The following ZNF276 variants were observed in gnomAD, a reference collection of about 807,000 sequenced individuals.
ZNF276 encodes the protein zinc finger protein 276, also known as centromere protein Z.
In ZNF276, 59 loss-of-function variants were observed where a neutral mutation model predicts 63.9. That is an observed-to-expected ratio of 0.92 (90% CI 0.75 to 1.15). The LOEUF (loss-of-function observed/expected upper bound fraction) is 1.15. Ranked by LOEUF, ZNF276 falls within the 50% of genes most tolerant of loss-of-function variation. ZNF276 has a pLI of 0.00. For synonymous variants in ZNF276, 496 were observed against 348.4 expected (o/e 1.42, Z -4.72); for missense variants, 1,084 against 843.8 (o/e 1.28, Z -3.53).
At chr16:89,734,099 C>G (rs1440554632) in intron 9 of ZNF276, 61 bp downstream of exon 9, 11 of 1,511,114 alleles carry the variant, frequency 7.3e-6, no homozygotes, top group Non-Finnish European at 1.0e-5. Context: ...ACCTGCTTTC[C>G]AGTCTTCCTC....
Position 89,721,625 on chromosome 16 carries a change from G to C in ZNF276, c.-16G>C. 1 of 1,473,204 alleles carries C rather than the reference G, an allele frequency of 6.8e-7. No homozygotes were observed. Among genetic ancestry groups the C allele is most frequent in the East Asian group, 3.0e-5 (1 of 33,130 alleles). The allele number at this position is 1,473,204 out of a possible 1,614,324, so 91.3% of individuals were successfully genotyped here. A position where few individuals can be genotyped will look rare whatever the true frequency, so the allele number is the denominator to read the frequency against. ...CGGGCAGCACCCGCGGGATTCTGCT[G>C]GCGTCCTCCGCTGCCATGAAGCGGG... On this transcript the variant is annotated 5_prime_UTR_variant, in exon 1 of 11. Transcript: ENST00000443381.
chr16:89,733,094 C>CGCCCTT, intron 6 of ZNF276: 1 of 588,092 alleles, frequency 1.7e-6, no homozygotes. Flanking sequence ...CTGTGTCCTG[C>CGCCCTT]GCCCTTGCCC....
Position 89,722,579 on chromosome 16 carries a change from A to G in ZNF276, c.254A>G (p.Lys85Arg). 2 of 1,612,380 alleles carry G rather than the reference A, an allele frequency of 1.2e-6. No individual in the cohort carries two copies. The highest frequency in any genetic ancestry group is 1.7e-6 in the Non-Finnish European group (2 of 1,179,984). ...AMGHCRLCHG[K>R]FSSRSLRSIS... ...GGTCACTGTCGCCTCTGCCACGGGA[A>G]GTTTTCCTCGAGAAGCCTGCGCAGC... The change falls in exon 2 of 11, where the codon AAG becomes AGG. Residue 85 changes from lysine to arginine, a missense_variant. Physicochemically the swap from Lys to Arg is conservative, Grantham distance 26. Coordinates refer to ENST00000443381, the MANE Select transcript of ZNF276 (RefSeq NM_001113525.2).
In ZNF276 at chr16:89,722,792, G is replaced by A. The variant is rs745722399; in HGVS notation, c.467G>A (p.Arg156Lys). Reference protein sequence around the residue: ...CHSLLKSFLQRVNASPAGRRK... With the variant: ...CHSLLKSFLQKVNASPAGRRK... Reference sequence around the variant, plus strand: ...AGCCTTCTCAAGTCCTTCCTGCAGAGGGTCAACGCCTCCCCGGCTGGTCGC... The same window carrying A: ...AGCCTTCTCAAGTCCTTCCTGCAGAAGGTCAACGCCTCCCCGGCTGGTCGC... The change falls in exon 2 of 11, where the codon AGG (arginine) becomes AAG (lysine). Residue 156 changes from arginine to lysine, a missense_variant. Physicochemically the swap from Arg to Lys is conservative, Grantham distance 26 (BLOSUM62 2). Coordinates refer to ENST00000443381, the MANE Select transcript of ZNF276 (RefSeq NM_001113525.2). 3 of 1,607,502 alleles carry A rather than the reference G, an allele frequency of 1.9e-6. No homozygotes were observed. The highest frequency in any genetic ancestry group is 2.2e-5 in the East Asian group (1 of 44,890).
Position 89,738,394 on chromosome 16 carries a change from C to A in ZNF276, c.*148C>A. The A allele has an allele frequency of 7.2e-7, 1 of 1,383,814 alleles. No individual in the cohort carries two copies. The highest frequency in any genetic ancestry group is 2.5e-5 in the East Asian group (1 of 40,012). The allele number at this position is 1,383,814 out of a possible 1,614,324, so 85.7% of individuals were successfully genotyped here. ...CGGGCTTGGTGTCCGGCTCAAGTAGCCTTCCTCTGCTCTGGGACCAGTGGT... is the reference window on the plus strand; with the variant it reads ...CGGGCTTGGTGTCCGGCTCAAGTAGACTTCCTCTGCTCTGGGACCAGTGGT... On this transcript the variant is annotated 3_prime_UTR_variant, in exon 11 of 11. Transcript: ENST00000443381.
rs1219566699 is a variant in ZNF276, at chr16:89,738,781, G to A, written c.*535G>A. 4 of 1,612,684 alleles carry A rather than the reference G, an allele frequency of 2.5e-6. No individual in the cohort carries two copies. Among genetic ancestry groups the A allele is most frequent in the South Asian group, 1.1e-5 (1 of 90,954 alleles). On this transcript the variant is annotated 3_prime_UTR_variant, in exon 11 of 11. Transcript: ENST00000443381. ...AGACCACAGGGGAGGGGCTCTGGCA[G>A]AAATAGTCGAGTTGTATTGCCAGCC... is the stretch of plus-strand genomic sequence containing the variant.
chr16:89,734,147 G>T (rs1839588786), intron 9 of ZNF276, 109 bp downstream of exon 9: 3 of 982,594 alleles, frequency 3.1e-6, no homozygotes, highest in Non-Finnish European at 4.6e-6. Context: ...GGTGCGTGAA[G>T]GTGGCTCATG....
rs2151713151 is a variant in ZNF276 at position 89,739,582 on chromosome 16, C to T, written c.*1336C>T. ...CAACACCAAGAAGTGGCTCAGGCAA[C>T]TCTGGACATCTCTGCCTATTATCAG... On this transcript the variant is annotated 3_prime_UTR_variant, in exon 11 of 11. Coordinates refer to ENST00000443381, the MANE Select transcript of ZNF276 (RefSeq NM_001113525.2). 1 of 1,547,722 alleles carries T rather than the reference C, an allele frequency of 6.5e-7. No homozygotes were observed. Among genetic ancestry groups the T allele is most frequent in the East Asian group, 2.4e-5 (1 of 40,888 alleles).
intron 9 of ZNF276, chr16:89,737,514 C>A: frequency 2.4e-6 from 1 of 418,104 alleles, no homozygotes; most frequent in Non-Finnish European, 4.2e-6. Flanking sequence ...GAGCGAAACT[C>A]CATCTCAAAA....
chr16:89,729,780 A>G (rs548405364), intron 6 of ZNF276, among the ~76,000 whole-genome samples: 1 of 152,106 alleles, frequency 6.6e-6, no homozygotes, highest in East Asian at 1.9e-4. Flanking sequence ...ACTGATGTCC[A>G]TGGCCAGGCA....
chr16:89,721,716 G>A lies in ZNF276; in HGVS notation c.76G>A (p.Gly26Ser), dbSNP rs1173822908. The A allele has an allele frequency of 3.7e-6, 5 of 1,363,176 alleles. No homozygotes were observed. Among genetic ancestry groups the A allele is most frequent in the South Asian group, 3.3e-5 (2 of 61,030 alleles). The allele number at this position is 1,363,176 out of a possible 1,614,324, so 84.4% of individuals were successfully genotyped here. A position where few individuals can be genotyped will look rare whatever the true frequency, so the allele number is the denominator to read the frequency against. Residue 26 changes from glycine to serine, a missense_variant, in exon 1 of 11, where the codon GGC (glycine) becomes AGC (serine). Gly to Ser is a moderately conservative substitution (Grantham distance 56, BLOSUM62 0). Coordinates refer to ENST00000443381, the MANE Select transcript of ZNF276 (RefSeq NM_001113525.2). ...GTGCGGGGCCTCGGACGGCGGCGGC[G>A]GCGTCAGCCGGACTCGGGGCCGCCC... ...RQCGASDGGG[G>S]VSRTRGRPSL...
At chr16:89,727,531 A>T (rs1187738147) in intron 5 of ZNF276, among the ~76,000 whole-genome samples, 174 bp downstream of exon 5, 1 of 152,152 alleles carries the variant, frequency 6.6e-6, no homozygotes, top group Non-Finnish European at 1.5e-5. Context: ...AAGCCATCAC[A>T]GGGGCCGGCT....
chr16:89,737,619 A>G (rs2061980336), intron 9 of ZNF276, 187 bp from the exon 10 acceptor site: 2 of 1,131,076 alleles, frequency 1.8e-6, no homozygotes, highest in Non-Finnish European at 2.4e-6. Flanking sequence ...AAGCCACGTG[A>G]CAGTGTATAA....
intron 1 of ZNF276, 147 bp downstream of exon 1, chr16:89,721,992 T>G: frequency 1.8e-6 from 1 of 567,934 alleles, no homozygotes; most frequent in Non-Finnish European, 2.5e-6. Flanking sequence ...GGATAGGCGC[T>G]GGGCGGCCGG....
At chr16:89,726,806 C>A (rs557263891) in intron 4 of ZNF276, among the ~76,000 whole-genome samples, 1 of 151,028 alleles carries the variant, frequency 6.6e-6, no homozygotes, top group Non-Finnish European at 1.5e-5. Context: ...CCACCATGCC[C>A]GGCTAATTTT....
At position 89,740,052 on chromosome 16, in the gene ZNF276, G is replaced by A. The variant is rs878934420; in HGVS notation, c.*1806G>A. ...ATATCTTCCTCTTCTCTAAACACTC[G>A]AGGATTGCTGCACAAACGTGGAAAG... On this transcript the variant is annotated 3_prime_UTR_variant, in exon 11 of 11. Coordinates refer to ENST00000443381, the MANE Select transcript of ZNF276 (RefSeq NM_001113525.2). 14 of 1,613,988 alleles carry A rather than the reference G, an allele frequency of 8.7e-6. No homozygotes were observed. The highest frequency in any genetic ancestry group is 2.2e-5 in the East Asian group (1 of 44,892).
intron 6 of ZNF276, 57 bp downstream of exon 6, chr16:89,729,375 C>T: frequency 1.3e-6 from 2 of 1,496,282 alleles, no homozygotes; most frequent in South Asian, 1.1e-5. Context: ...TAGACACCCG[C>T]CTGTGCTCCA....
rs764371978 is a variant in ZNF276, at chr16:89,722,610, C to T, written c.285C>T (p.Ser95=). 6.8e-6 allele frequency: 11 copies of T among 1,612,002 alleles called. No homozygotes were observed. Among genetic ancestry groups the T allele is most frequent in the Admixed American group, 1.7e-5 (1 of 60,008 alleles). Residue 95 remains serine (S), a synonymous_variant, in exon 2 of 11, where the codon TCC becomes TCT. Transcript: ENST00000443381. ...KFSSRSLRSI[S]ERAPGASMER... ...CCTCGAGAAGCCTGCGCAGCATCTCCGAGAGGGCGCCTGGAGCGAGCATGG... is the reference window on the plus strand; with the variant it reads ...CCTCGAGAAGCCTGCGCAGCATCTCTGAGAGGGCGCCTGGAGCGAGCATGG...
intron 9 of ZNF276, among the ~76,000 whole-genome samples, chr16:89,734,704 C>T (rs58404856): frequency 3.3e-5 from 5 of 152,140 alleles, no homozygotes; most frequent in African/African-American, 7.2e-5. Flanking sequence ...GCGGGAGGCA[C>T]GTGTGGTTCT....
Sources: allele counts gnomAD v4.1 joint callset (sites outside exome capture counted in the v4.1 genomes callset), GRCh38; gene constraint gnomAD v4.1.1; transcripts MANE v1.5; gene names NCBI Gene and HGNC (gene_info 2026-07-23, HGNC 2026-07-21).